RNF19A: variants seen among roughly 807,000 people sequenced by gnomAD.
RNF19A encodes E3 ubiquitin-protein ligase RNF19A.
Under a neutral mutation model 75.7 loss-of-function variants are expected in RNF19A, and 32 were observed. The ratio of observed to expected loss-of-function variants is 0.42; its 90% CI spans 0.32 to 0.57. The LOEUF is 0.57. Among genes scored for constraint, RNF19A ranks in the 20% least tolerant of loss-of-function variants. The pLI, the probability that RNF19A is intolerant of heterozygous loss-of-function variation, is 0.10. For missense variants in RNF19A, 782 were observed against 1,036.3 expected, an observed-to-expected ratio of 0.75 and a Z score of 3.37; for synonymous variants, 335 against 345.2, an observed-to-expected ratio of 0.97 and a Z score of 0.33.
At chr8:100,309,651 G>A (rs1403987148) in intron 1 of RNF19A, 2 of 925,342 alleles carry the variant, frequency 2.2e-6, no homozygotes, top group African/African-American at 1.8e-5. Context: ...TAGGGGACCC[G>A]GAGCTGACCG....
In RNF19A at chr8:100,265,314, T is replaced by G. The variant is rs1162697255; in HGVS notation, c.1192-529A>C. On this transcript the variant is annotated intron_variant, in intron 5 of 9. Transcript: ENST00000341084. ...TCAGATCCTTTTTATGAAGACAATA[T>G]TGACAAATGACTCAAATTCCAGGGC... 5.3e-5 allele frequency among the ~76,000 whole-genome samples: 8 copies of G among 152,258 alleles called. No homozygotes were observed. The East Asian group carries it at 1.5e-3, about 29-fold the overall frequency.
In RNF19A at chr8:100,299,859, C is replaced by G. The variant is rs116188546; in HGVS notation, c.-94+10008G>C. On this transcript the variant is annotated intron_variant, in intron 1 of 9. Coordinates refer to ENST00000341084, the MANE Select transcript of RNF19A (RefSeq NM_183419.4). ...TCAACTCCATACAAATTATTGATAA[C>G]AGTAGCATCCCACCTCTCCAATTTT... 7.5e-3 allele frequency among the ~76,000 whole-genome samples: 1,136 copies of G among 152,272 alleles called. 8 individuals are homozygous for G. The highest frequency in any genetic ancestry group is 0.031 in the Middle Eastern group (9 of 294).
intron 3 of RNF19A, 79 bp downstream of exon 3, chr8:100,274,874 G>A (rs1820426852): frequency 4.4e-6 from 5 of 1,126,784 alleles, no homozygotes; most frequent in Non-Finnish European, 6.4e-6. Context: ...AAGGAAAACA[G>A]GAATACTTAA....
chr8:100,287,587 G>A lies in RNF19A; in HGVS notation c.588C>T (p.Val196=). The A allele has an allele frequency of 6.2e-7, 1 of 1,614,058 alleles. No homozygotes were observed. Residue 196 remains valine (V), a synonymous_variant, in exon 2 of 10, where the codon GTC becomes GTT. Transcript: ENST00000341084. The surrounding 1 kb of genome is among the most constrained non-coding windows in gnomAD (Gnocchi z 4.1). ...TAAATTCTTCGTATTTTTCCATCAA[G>A]ACATCATCACTTAATATCAAGCGAA... The part of the protein sequence containing the change: ...HDIRLILSDD[V]LMEKYEEFML...
At chr8:100,319,138 G>A (rs972306880) in intron 1 of RNF19A, among the ~76,000 whole-genome samples, 1 of 152,198 alleles carries the variant, frequency 6.6e-6, no homozygotes, top group African/African-American at 2.4e-5. Flanking sequence ...AAGACTCAAA[G>A]ATGGACATTC....
upstream of RNF19A, among the ~76,000 whole-genome samples, chr8:100,314,235 T>A (rs1258278384): frequency 1.3e-5 from 2 of 152,082 alleles, no homozygotes; most frequent in African/African-American, 4.8e-5. This position sits in a 1 kb window ranked among gnomAD's most constrained non-coding sequence, Gnocchi z 4.1. Context: ...GTACACTATA[T>A]GTTCACTTTA....
intron 1 of RNF19A, chr8:100,309,363 G>A (rs1822196984): frequency 1.0e-6 from 1 of 985,800 alleles, no homozygotes; most frequent in Non-Finnish European, 1.2e-6. Context: ...CGATGTCCCG[G>A]CTCCAAATTT....
chr8:100,260,156 A>C lies in RNF19A; in HGVS notation c.1683-159T>G. On this transcript the variant is annotated intron_variant, in intron 8 of 9. Coordinates refer to ENST00000341084, the MANE Select transcript of RNF19A (RefSeq NM_183419.4). The surrounding 1 kb of genome is among the most constrained non-coding windows in gnomAD (Gnocchi z 4.1). ...TATTTAATTTAAATTCTACTGCAGC[A>C]CACTGCATAGTACCAGCCATCCAAA... The C allele has an allele frequency of 4.7e-6, 3 of 632,942 alleles. No individual in the cohort carries two copies. Among genetic ancestry groups the C allele is most frequent in the Non-Finnish European group, 8.0e-6 (3 of 374,304 alleles). 39.2% of individuals were successfully genotyped at this position (632,942 alleles called of 1,614,324 possible).
In RNF19A at chr8:100,264,713, A is replaced by T. The variant is rs770188384; in HGVS notation, c.1264T>A (p.Leu422Met). 15 of 1,613,766 alleles carry T rather than the reference A, an allele frequency of 9.3e-6. No individual in the cohort carries two copies. The highest frequency in any genetic ancestry group is 1.3e-5 in the Non-Finnish European group (15 of 1,179,700). ...ACTACTGGAGACACGATTACAGACA[A>T]CGTTACACCACCTGCTATGGCCAAA... ...RNLAIAGGVT[L>M]SVIVSPVVAA... The change falls in exon 6 of 10, where the codon TTG (leucine) becomes ATG (methionine). Residue 422 changes from leucine to methionine, a missense_variant. This residue lies in a region of RNF19A where 442 missense variants were observed against 541.6 expected (regional missense o/e 0.82). Coordinates refer to ENST00000341084, the MANE Select transcript of RNF19A (RefSeq NM_183419.4). The surrounding 1 kb of genome is among the most constrained non-coding windows in gnomAD (Gnocchi z 4.7).
At chr8:100,316,817 AGCAGGGGGTGGT>A (rs1422784700) in intron 1 of RNF19A, among the ~76,000 whole-genome samples, 29 of 152,166 alleles carry the variant, frequency 1.9e-4, no homozygotes, top group Non-Finnish European at 3.4e-4. Flanking sequence ...GCTGCCGTGG[AGCAGGGGGTGGT>A]GCTCCTGGGG....
intron 7 of RNF19A, among the ~76,000 whole-genome samples, chr8:100,263,318 A>G (rs999454009): frequency 6.6e-6 from 1 of 152,156 alleles, no homozygotes; most frequent in African/African-American, 2.4e-5. Flanking sequence ...TAGAGTCTCT[A>G]CCATGTCGGA....
Position 100,317,508 on chromosome 8 carries a change from C to T in RNF19A, c.-242-4136G>A, listed in dbSNP as rs1822401454. 6.6e-6 allele frequency among the ~76,000 whole-genome samples: 1 copy of T among 152,188 alleles called. No homozygotes were observed. The highest frequency in any genetic ancestry group is 1.5e-5 in the Non-Finnish European group (1 of 68,028). ...TTAGAATCTTCTTTATTTCCCCTCC[C>T]ACCCATTCTTCTGACATATCCCCAA... On this transcript the variant is annotated intron_variant, in intron 1 of 3. Coordinates refer to the RNF19A transcript ENST00000519527. The surrounding 1 kb of genome is among the most constrained non-coding windows in gnomAD (Gnocchi z 4.3).
intron 2 of RNF19A, among the ~76,000 whole-genome samples, chr8:100,285,695 C>G (rs1257534690): frequency 6.6e-6 from 1 of 151,624 alleles, no homozygotes; most frequent in Non-Finnish European, 1.5e-5. Flanking sequence ...TATAGTGGCG[C>G]AATCACGGCT....
Position 100,284,121 on chromosome 8 carries a change from A to G in RNF19A, c.674+3380T>C, listed in dbSNP as rs1820908512. 6.6e-6 allele frequency among the ~76,000 whole-genome samples: 1 copy of G among 152,184 alleles called. No homozygotes were observed. The highest frequency in any genetic ancestry group is 1.5e-5 in the Non-Finnish European group (1 of 68,014). On this transcript the variant is annotated intron_variant, in intron 2 of 9. Transcript: ENST00000341084. The surrounding 1 kb of genome is among the most constrained non-coding windows in gnomAD (Gnocchi z 4.3). ...AAAACTTTGGAAATACAGATGAAGA[A>G]TAATAAGTAAGAGCAATGACAAGCT...
chr8:100,267,065 CG>C (rs1428898562), intron 5 of RNF19A, among the ~76,000 whole-genome samples: 1 of 152,060 alleles, frequency 6.6e-6, no homozygotes, highest in Admixed American at 6.6e-5. Flanking sequence ...CTGACTCAAA[CG>C]TAACAATTTT....
At chr8:100,282,399 G>A (rs1563848254) in intron 2 of RNF19A, among the ~76,000 whole-genome samples, 1 of 152,094 alleles carries the variant, frequency 6.6e-6, no homozygotes. Flanking sequence ...AAACTTCAAA[G>A]AACTACCCAC....
At chr8:100,262,828 G>T (rs893505860) in intron 7 of RNF19A, among the ~76,000 whole-genome samples, 1 of 152,116 alleles carries the variant, frequency 6.6e-6, no homozygotes, top group African/African-American at 2.4e-5. Context: ...GAAGTGGCTG[G>T]ATTATGGCTA....
In RNF19A at chr8:100,287,831, G is replaced by C. The variant is rs1821096050; in HGVS notation, c.344C>G (p.Ser115Cys). Residue 115 changes from serine to cysteine, a missense_variant, in exon 2 of 10, where the codon TCT (serine) becomes TGT (cysteine). Ser to Cys is a moderately radical substitution (Grantham distance 112). Coordinates refer to ENST00000341084, the MANE Select transcript of RNF19A (RefSeq NM_183419.4). The surrounding 1 kb of genome is among the most constrained non-coding windows in gnomAD (Gnocchi z 4.1). ...KNSIFSTNTS[S>C]DNGLTSISKQ... ...GCTGATGGAAGTTAATCCATTGTCAGAAGAGGTATTTGTAGAGAAAATGGA... is the reference window on the plus strand; with the variant it reads ...GCTGATGGAAGTTAATCCATTGTCACAAGAGGTATTTGTAGAGAAAATGGA... 1 of 1,614,160 alleles carries C rather than the reference G, an allele frequency of 6.2e-7. No individual in the cohort carries two copies.
chr8:100,310,286 G>C (rs888448291), upstream of RNF19A: 2 of 973,712 alleles, frequency 2.1e-6, no homozygotes, highest in African/African-American at 3.5e-5. Context: ...GCCCGCGCAG[G>C]AGCCGCCCCG....
Sources: gnomAD v4.1 joint callset for allele counts (sites outside exome capture counted in the v4.1 genomes callset) on GRCh38, gnomAD v4.1.1 for gene constraint, gnomAD v4.1.1 regional missense constraint, Gnocchi (gnomAD v3.1) non-coding constraint, MANE v1.5 for transcripts, NCBI Gene and HGNC (gene_info 2026-07-23, HGNC 2026-07-21) for gene names.